The following RNF220 variants were observed in gnomAD, a reference collection of about 807,000 sequenced individuals.
The protein encoded by RNF220 is ring finger protein 220, also known as E3 ubiquitin-protein ligase RNF220.
A neutral mutation model predicts 67.1 loss-of-function variants in RNF220; 7 were observed. The ratio of observed to expected loss-of-function variants is 0.10; its 90% confidence interval spans 0.06 to 0.20. RNF220 has a LOEUF of 0.20. Ranked by LOEUF, RNF220 falls within the 10% of genes least tolerant of loss-of-function variation. The probability of loss-of-function intolerance (pLI) is 1.00; values close to 1 mark genes in which losing one functional copy is unlikely to be tolerated. For synonymous variants in RNF220, 270 were observed against 283.2 expected (o/e 0.95, Z 0.47); for missense variants, 565 against 740.3 (o/e 0.76, Z 2.75).
intron 2 of RNF220, among the ~76,000 whole-genome samples, chr1:44,526,160 T>C (rs1660356220): frequency 6.6e-6 from 1 of 152,214 alleles, no homozygotes; most frequent in Non-Finnish European, 1.5e-5. Flanking sequence ...CTTTCTCCTC[T>C]ATTTCCGGCC....
rs1643815677 is a variant in RNF220, at chr1:44,621,985, G to A, written c.759-757G>A. Among the ~76,000 whole-genome samples the A allele has an allele frequency of 6.6e-6, 1 of 152,180 alleles. No homozygotes were observed. The highest frequency in any genetic ancestry group is 2.4e-5 in the African/African-American group (1 of 41,440). ...AGCAGGCAGGGAGGGACAGGAACAG[G>A]GATATTAATGTTTCTGAAGTGGATC... On this transcript the variant is annotated intron_variant, in intron 3 of 14. Coordinates refer to ENST00000361799, the MANE Select transcript of RNF220 (RefSeq NM_018150.4). This position sits in a 1 kb window ranked among gnomAD's most constrained non-coding sequence, Gnocchi z 4.8.
At chr1:44,549,171 A>C (rs541779812) in intron 2 of RNF220, among the ~76,000 whole-genome samples, 1 of 152,316 alleles carries the variant, frequency 6.6e-6, no homozygotes, top group Admixed American at 6.5e-5. Flanking sequence ...TGGGCAACAG[A>C]GTGAGAGACT....
chr1:44,461,083 G>C lies in RNF220; in HGVS notation c.625+48361G>C, dbSNP rs536885371. On this transcript the variant is annotated intron_variant, in intron 2 of 14. Coordinates refer to ENST00000361799, the MANE Select transcript of RNF220 (RefSeq NM_018150.4). ...TTAGCTAAAGCTTAAGCTCCCGGGG[G>C]CAGGGACGGTATTCATTTCAGCACT... 3.3e-5 allele frequency among the ~76,000 whole-genome samples: 5 copies of C among 152,266 alleles called. No homozygotes were observed. In the East Asian group the frequency reaches 9.7e-4, roughly 29 times the overall value.
At chr1:44,616,668 G>A (rs11585508) in intron 3 of RNF220, among the ~76,000 whole-genome samples, 71,920 of 151,680 alleles carry the variant, frequency 0.47, 17,877 homozygotes, top group Non-Finnish European at 0.57. Context: ...TCTGCAGCTG[G>A]GTTCCATATT....
Position 44,614,306 on chromosome 1 carries a change from C to T in RNF220, c.758+9C>T. Reference sequence around the variant, plus strand: ...GCCCAACTGCCCTCGAGGTAAGCCACCTCCCAGGGAGCCTGCCTGCTGGAG... The same window carrying T: ...GCCCAACTGCCCTCGAGGTAAGCCATCTCCCAGGGAGCCTGCCTGCTGGAG... On this transcript the variant is annotated intron_variant, in intron 3 of 14. Transcript: ENST00000361799. 6.2e-7 allele frequency: 1 copy of T among 1,613,186 alleles called. No homozygotes were observed. The highest frequency in any genetic ancestry group is 1.3e-5 in the African/African-American group (1 of 75,050).
At chr1:44,517,482 C>A (rs1659547767) in intron 2 of RNF220, among the ~76,000 whole-genome samples, 1 of 152,060 alleles carries the variant, frequency 6.6e-6, no homozygotes, top group South Asian at 2.1e-4. Flanking sequence ...TTTCTTTTAA[C>A]CTGGCCTTTG....
At chr1:44,480,291 C>T (rs1281423415) in intron 2 of RNF220, among the ~76,000 whole-genome samples, 2 of 152,074 alleles carry the variant, frequency 1.3e-5, no homozygotes, top group Non-Finnish European at 1.5e-5. Flanking sequence ...CCTGTAGTCC[C>T]AGCTACTCAG....
Position 44,405,351 on chromosome 1 carries a change from G to C in RNF220, c.-297G>C, listed in dbSNP as rs1017953357. 5.1e-6 allele frequency: 3 copies of C among 585,570 alleles called. No individual in the cohort carries two copies. The highest frequency in any genetic ancestry group is 9.1e-6 in the Non-Finnish European group (3 of 330,446). 36.3% of individuals were successfully genotyped at this position (585,570 alleles called of 1,614,324 possible). On this transcript the variant is annotated 5_prime_UTR_variant, in exon 1 of 15. Transcript: ENST00000361799. ...GTACATGCAATCCCAGGCAGCTCGCGAACACAAACCCGGGGCCAGCCGCCT... is the reference window on the plus strand; with the variant it reads ...GTACATGCAATCCCAGGCAGCTCGCCAACACAAACCCGGGGCCAGCCGCCT...
intron 2 of RNF220, among the ~76,000 whole-genome samples, chr1:44,494,499 G>A (rs1011435029): frequency 3.3e-5 from 5 of 151,680 alleles, no homozygotes; most frequent in Admixed American, 6.6e-5. Context: ...TTTTTGCATG[G>A]TACAGGCATA....
At chr1:44,498,694 C>T (rs1657563588) in intron 2 of RNF220, among the ~76,000 whole-genome samples, 2 of 152,160 alleles carry the variant, frequency 1.3e-5, no homozygotes, top group Admixed American at 1.3e-4. Flanking sequence ...GATTCTCAAA[C>T]TTACTATCAT....
chr1:44,535,781 C>T (rs12723953), intron 2 of RNF220, among the ~76,000 whole-genome samples: 55,130 of 151,930 alleles, frequency 0.36, 10,514 homozygotes, highest in Middle Eastern at 0.52. Flanking sequence ...TTGTATGGGG[C>T]CTGGCTGGGA....
Position 44,644,544 on chromosome 1 carries a change from G to A in RNF220, c.1127-154G>A, listed in dbSNP as rs377354130. On this transcript the variant is annotated intron_variant, in intron 8 of 14. Transcript: ENST00000361799. ...TGAAGGGCCTGAAATGTCAGGGTCAGGGGCACTGAAGTATCTGGCTCTATA... is the reference window on the plus strand; with the variant it reads ...TGAAGGGCCTGAAATGTCAGGGTCAAGGGCACTGAAGTATCTGGCTCTATA... 25 of 605,228 alleles carry A rather than the reference G, an allele frequency of 4.1e-5. No homozygotes were observed. The East Asian group carries it at 5.2e-4, about 13-fold the overall frequency. The allele number at this position is 605,228 out of a possible 1,614,324, so 37.5% of individuals were successfully genotyped here. A position where few individuals can be genotyped will look rare whatever the true frequency, so the allele number is the denominator to read the frequency against.
chr1:44,637,056 C>T (rs1013909546), intron 8 of RNF220, among the ~76,000 whole-genome samples: 6 of 152,268 alleles, frequency 3.9e-5, no homozygotes, highest in African/African-American at 7.2e-5. Flanking sequence ...ATCTGCTTCC[C>T]GTCTGCCTCT....
intron 2 of RNF220, among the ~76,000 whole-genome samples, chr1:44,525,592 C>T (rs1368826847): frequency 6.6e-6 from 1 of 152,184 alleles, no homozygotes; most frequent in African/African-American, 2.4e-5. Flanking sequence ...TACAAACATC[C>T]CTGCTCTTTT....
intron 2 of RNF220, among the ~76,000 whole-genome samples, chr1:44,490,617 G>A (rs550297752): frequency 9.2e-5 from 14 of 151,996 alleles, no homozygotes; most frequent in Non-Finnish European, 2.1e-4. Flanking sequence ...ATTTATAGCT[G>A]TAAATGCCTA....
intron 2 of RNF220, among the ~76,000 whole-genome samples, chr1:44,587,288 C>T (rs1460308848): frequency 6.6e-6 from 1 of 151,822 alleles, no homozygotes; most frequent in Non-Finnish European, 1.5e-5. Flanking sequence ...GCTGGGATTA[C>T]AGGCACCCGC....
chr1:44,443,163 G>A (rs1651737155), intron 2 of RNF220, among the ~76,000 whole-genome samples: 1 of 152,134 alleles, frequency 6.6e-6, no homozygotes, highest in African/African-American at 2.4e-5. Context: ...GATGTCGTGT[G>A]GGCACTGAAT....
chr1:44,557,715 G>A (rs866099006), intron 2 of RNF220, among the ~76,000 whole-genome samples: 1 of 152,156 alleles, frequency 6.6e-6, no homozygotes, highest in African/African-American at 2.4e-5. Context: ...ACTGGCCACG[G>A]TATAAAATCA....
chr1:44,543,853 C>T (rs76039655), intron 2 of RNF220, among the ~76,000 whole-genome samples: 1,545 of 152,286 alleles, frequency 0.01, 27 homozygotes, highest in African/African-American at 0.034. Context: ...AAAAGGTCAA[C>T]GCCAGCTCTG....
Sources: allele counts gnomAD v4.1 joint callset (sites outside exome capture counted in the v4.1 genomes callset), GRCh38; gene constraint gnomAD v4.1.1; non-coding constraint Gnocchi (gnomAD v3.1); transcripts MANE v1.5; gene names NCBI Gene and HGNC (gene_info 2026-07-23, HGNC 2026-07-21).